VWA2: variants seen among roughly 807,000 people sequenced by gnomAD.
The protein encoded by VWA2 is von Willebrand factor A domain-containing protein 2.
Under a neutral mutation model 70.4 loss-of-function variants are expected in VWA2, and 73 were observed. The observed-to-expected ratio is 1.04, with a 90% CI of 0.86 to 1.26. The LOEUF (loss-of-function observed/expected upper bound fraction) is 1.26. Ranked by LOEUF, VWA2 falls within the 50% of genes most tolerant of loss-of-function variation. VWA2 has a pLI of 0.00. For synonymous variants in VWA2, 407 were observed against 423.3 expected, an observed-to-expected ratio of 0.96 and a Z score of 0.47; for missense variants, 1,011 against 998.5, an observed-to-expected ratio of 1.01 and a Z score of -0.17.
At chr10:114,265,574 C>A (rs2037543683) in intron 5 of VWA2, among the ~76,000 whole-genome samples, 3 of 152,198 alleles carry the variant, frequency 2.0e-5, no homozygotes, top group Admixed American at 2.0e-4. Context: ...TAGGCCCCAC[C>A]CAGCTGTCCT....
intron 5 of VWA2, among the ~76,000 whole-genome samples, chr10:114,264,522 A>G (rs571396544): frequency 6.6e-6 from 1 of 151,646 alleles, no homozygotes; most frequent in African/African-American, 2.4e-5. Context: ...GGTTCACACC[A>G]TTCTCCTGCC....
At chr10:114,283,775 C>A (rs1345935056) in intron 9 of VWA2, among the ~76,000 whole-genome samples, 2 of 152,252 alleles carry the variant, frequency 1.3e-5, no homozygotes, top group African/African-American at 4.8e-5. Flanking sequence ...CCACTGTCGT[C>A]GATCTCAGTG....
intron 2 of VWA2, among the ~76,000 whole-genome samples, chr10:114,250,543 C>T (rs2037173519): frequency 6.6e-6 from 1 of 152,166 alleles, no homozygotes; most frequent in Admixed American, 6.5e-5. Flanking sequence ...CTTGCAGTTC[C>T]TCCCTGGTCT....
chr10:114,292,832 A>G lies in VWA2; in HGVS notation c.*1595A>G, dbSNP rs538718578. The stretch of plus-strand genomic sequence containing the variant: ...GTGATTCTCATGCCTCAGCCTCTTG[A>G]GTAGCTGGGATTAGAGGCAGGTGCC... On this transcript the variant is annotated 3_prime_UTR_variant, in exon 14 of 14. Coordinates refer to ENST00000392982, the MANE Select transcript of VWA2 (RefSeq NM_001272046.2). Among the ~76,000 whole-genome samples the G allele has an allele frequency of 1.3e-5, 2 of 151,918 alleles. No individual in the cohort carries two copies. The highest frequency in any genetic ancestry group is 3.9e-4 in the East Asian group (2 of 5,160).
At chr10:114,282,988 TAGTGAAGATTC>T (rs2038367210) in intron 9 of VWA2, among the ~76,000 whole-genome samples, 1 of 152,182 alleles carries the variant, frequency 6.6e-6, no homozygotes, top group African/African-American at 2.4e-5. Context: ...TATGAGGTCC[TAGTGAAGATTC>T]AGTAGATAAT....
Position 114,291,347 on chromosome 10 carries a change from T to A in VWA2, c.*110T>A. ...CCTTCTGGAATGTCTGTGCCCCAGG[T>A]CCTTAGAATGTCTGCTTCCCGCCGT... On this transcript the variant is annotated 3_prime_UTR_variant, in exon 14 of 14. Transcript: ENST00000392982. The A allele has an allele frequency of 7.6e-7, 1 of 1,312,580 alleles. No individual in the cohort carries two copies. The highest frequency in any genetic ancestry group is 1.0e-6 in the Non-Finnish European group (1 of 978,410). The allele number at this position is 1,312,580 out of a possible 1,614,324, so 81.3% of individuals were successfully genotyped here.
chr10:114,252,051 C>A (rs1307250938), intron 2 of VWA2, among the ~76,000 whole-genome samples: 1 of 152,146 alleles, frequency 6.6e-6, no homozygotes, highest in Non-Finnish European at 1.5e-5. Flanking sequence ...AGGTGATCCA[C>A]CGCCTCAGTC....
intron 5 of VWA2, among the ~76,000 whole-genome samples, chr10:114,262,299 T>A (rs1326175525): frequency 2.0e-5 from 3 of 149,784 alleles, no homozygotes; most frequent in Non-Finnish European, 3.0e-5. Context: ...ATTTTGTGTA[T>A]ATTTTATATA....
intron 4 of VWA2, among the ~76,000 whole-genome samples, chr10:114,257,269 C>T (rs943215980): frequency 6.6e-6 from 1 of 152,144 alleles, no homozygotes; most frequent in Non-Finnish European, 1.5e-5. Flanking sequence ...AGGCAAGAAG[C>T]GCCAGTTCCC....
chr10:114,264,911 G>A (rs1035455481), intron 5 of VWA2, among the ~76,000 whole-genome samples: 9 of 151,606 alleles, frequency 5.9e-5, no homozygotes, highest in African/African-American at 2.2e-4. Context: ...GTAGAGACGG[G>A]GTTTTGCCAT....
chr10:114,254,402 C>G (rs2037275295), intron 3 of VWA2, among the ~76,000 whole-genome samples: 1 of 152,126 alleles, frequency 6.6e-6, no homozygotes, highest in African/African-American at 2.4e-5. Flanking sequence ...AATTACTTGG[C>G]CTGTGCCTCA....
intron 1 of VWA2, among the ~76,000 whole-genome samples, chr10:114,240,268 C>T (rs1564709105): frequency 6.6e-6 from 1 of 152,236 alleles, no homozygotes; most frequent in African/African-American, 2.4e-5. Context: ...ACAAAACTTT[C>T]CCTAGCTAAG....
In VWA2 at chr10:114,289,408, C is replaced by G. The variant is rs770815194; in HGVS notation, c.2041C>G (p.Pro681Ala). The G allele has an allele frequency of 6.2e-7, 1 of 1,614,194 alleles. No homozygotes were observed. Among genetic ancestry groups the G allele is most frequent in the East Asian group, 2.2e-5 (1 of 44,864 alleles). Residue 681 changes from proline to alanine, a missense_variant, in exon 12 of 14, where the codon CCC (proline) becomes GCC (alanine). Physicochemically the swap from Pro to Ala is conservative, Grantham distance 27. Coordinates refer to ENST00000392982, the MANE Select transcript of VWA2 (RefSeq NM_001272046.2). ...LSEGLRRLAG[P>A]RDSLIHVAAY... The stretch of plus-strand genomic sequence containing the variant: ...TGAGGGTCTGCGGAGGCTTGCAGGT[C>G]CCCGGGATTCCCTGATCCACGTGGC...
At chr10:114,284,146 G>T (rs1365912308) in intron 9 of VWA2, among the ~76,000 whole-genome samples, 3 of 152,270 alleles carry the variant, frequency 2.0e-5, no homozygotes, top group Non-Finnish European at 4.4e-5. Context: ...AGACGCTTCA[G>T]AATGGGCCAC....
chr10:114,284,933 C>T lies in VWA2; in HGVS notation c.960C>T (p.Cys320=). The T allele has an allele frequency of 1.9e-6, 3 of 1,605,320 alleles. No homozygotes were observed. Among genetic ancestry groups the T allele is most frequent in the Non-Finnish European group, 2.5e-6 (3 of 1,176,780 alleles). The change falls in exon 10 of 14, where the codon TGC becomes TGT. Residue 320 remains cysteine, a synonymous_variant. Coordinates refer to ENST00000392982, the MANE Select transcript of VWA2 (RefSeq NM_001272046.2). The part of the protein sequence containing the change: ...CVPEGLDGYQ[C]LCPLAFGGEA... ...CAGAAGGACTGGACGGCTACCAGTG[C>T]CTCTGCCCGCTGGCCTTTGGAGGGG...
At chr10:114,249,291 C>G (rs184104152) in intron 2 of VWA2, among the ~76,000 whole-genome samples, 6 of 152,140 alleles carry the variant, frequency 3.9e-5, no homozygotes, top group Admixed American at 3.9e-4. Flanking sequence ...GAATCTCTCT[C>G]TGTCACCCAG....
chr10:114,257,858 A>G (rs1471732016), intron 4 of VWA2, among the ~76,000 whole-genome samples: 1 of 152,214 alleles, frequency 6.6e-6, no homozygotes, highest in Admixed American at 6.5e-5. Context: ...TGGGCCAAAC[A>G]GTCAGTGCCC....
intron 1 of VWA2, chr10:114,246,763 C>T: frequency 7.4e-7 from 1 of 1,353,174 alleles, no homozygotes; most frequent in Non-Finnish European, 1.1e-6. Flanking sequence ...TGCTGTATAA[C>T]CTTTCAGGAA....
chr10:114,277,776 T>C, intron 6 of VWA2, 138 bp from the exon 7 acceptor site: 1 of 1,133,820 alleles, frequency 8.8e-7, no homozygotes, highest in East Asian at 2.9e-5. Flanking sequence ...GTTAACTGTT[T>C]TCCTCACCAG....
Sources: gnomAD v4.1 joint callset for allele counts (sites outside exome capture counted in the v4.1 genomes callset) on GRCh38, gnomAD v4.1.1 for gene constraint, MANE v1.5 for transcripts, NCBI Gene and HGNC (gene_info 2026-07-23, HGNC 2026-07-21) for gene names.